The following SAMD12 variants were observed in gnomAD, a reference collection of about 807,000 sequenced individuals.
The protein encoded by SAMD12 is sterile alpha motif domain-containing protein 12.
A neutral mutation model predicts 15.0 loss-of-function variants in SAMD12; 9 were observed. The ratio of observed to expected loss-of-function variants is 0.60; its 90% CI spans 0.36 to 1.05. SAMD12 has a LOEUF of 1.05. Among genes scored for constraint, SAMD12 ranks in the 50% least tolerant of loss-of-function variants. The pLI is 0.01. For missense variants in SAMD12, 230 were observed against 234.2 expected, an observed-to-expected ratio of 0.98 and a Z score of 0.12; for synonymous variants, 86 against 90.1, an observed-to-expected ratio of 0.96 and a Z score of 0.25.
At chr8:118,139,633 C>T in the SAMD12 span, among the ~76,000 whole-genome samples, 3 of 152,194 alleles carry the variant, frequency 2.0e-5, no homozygotes, top group East Asian at 1.9e-4. Context: ...GTTGGGATTA[C>T]ATGTGTGAGC....
At chr8:118,192,716 T>C (rs1819443283) in exon 5 of SAMD12, 1 of 152,172 alleles carries the variant, frequency 6.6e-6, no homozygotes, top group South Asian at 2.1e-4. Flanking sequence ...AATATGAAAT[T>C]ATGAAAATAA....
chr8:118,406,153 C>T (rs985103996), intron 3 of SAMD12, among the ~76,000 whole-genome samples: 6 of 151,634 alleles, frequency 4.0e-5, no homozygotes, highest in African/African-American at 1.5e-4. Context: ...CCCTCCCTGA[C>T]ATGCCTGTCT....
downstream of SAMD12, among the ~76,000 whole-genome samples, chr8:118,376,985 C>T (rs73709942): frequency 0.049 from 7,460 of 152,016 alleles, 589 homozygotes; most frequent in African/African-American, 0.17. Context: ...ACAACTTCTA[C>T]TATTAATCAT....
chr8:118,418,807 C>G (rs1821851821), intron 3 of SAMD12, among the ~76,000 whole-genome samples: 1 of 151,906 alleles, frequency 6.6e-6, no homozygotes, highest in Non-Finnish European at 1.5e-5. Context: ...AATGTTTTTG[C>G]CACTATAGCA....
the SAMD12 span, among the ~76,000 whole-genome samples, chr8:118,147,912 C>CTGTG: frequency 7.0e-6 from 1 of 142,208 alleles, no homozygotes; most frequent in Non-Finnish European, 1.6e-5. Flanking sequence ...TTTTTTTTTT[C>CTGTG]TGTGTGTGTG....
intron 4 of SAMD12, among the ~76,000 whole-genome samples, chr8:118,260,799 C>T (rs2130062445): frequency 6.6e-6 from 1 of 152,242 alleles, no homozygotes; most frequent in Non-Finnish European, 1.5e-5. Context: ...TCGAAGGACA[C>T]ACCCCTTCCC....
intron 4 of SAMD12, among the ~76,000 whole-genome samples, chr8:118,318,970 C>A (rs1458698053): frequency 6.6e-6 from 1 of 152,026 alleles, no homozygotes; most frequent in Non-Finnish European, 1.5e-5. Context: ...GGGGCTACAG[C>A]AGCATTTCTT....
At chr8:118,591,655 G>A (rs1827588177) in intron 1 of SAMD12, among the ~76,000 whole-genome samples, 1 of 151,850 alleles carries the variant, frequency 6.6e-6, no homozygotes, top group South Asian at 2.1e-4. Flanking sequence ...ACAAACTAAA[G>A]TATAATTCAG....
chr8:118,268,333 C>T (rs1237097990), intron 4 of SAMD12, among the ~76,000 whole-genome samples: 1 of 152,158 alleles, frequency 6.6e-6, no homozygotes, highest in African/African-American at 2.4e-5. Flanking sequence ...CTCTTCAGCA[C>T]TGACTATTTA....
intron 1 of SAMD12, among the ~76,000 whole-genome samples, chr8:118,612,311 C>A (rs1349456038): frequency 6.6e-6 from 1 of 152,146 alleles, no homozygotes; most frequent in Non-Finnish European, 1.5e-5. Flanking sequence ...AATCACAAAA[C>A]AGAACATGAT....
chr8:118,297,832 A>AT (rs1428686608), intron 4 of SAMD12, among the ~76,000 whole-genome samples: 3 of 152,224 alleles, frequency 2.0e-5, no homozygotes, highest in African/African-American at 4.8e-5. Context: ...GAAAAAAATA[A>AT]TTTTTTAAAT....
intron 2 of SAMD12, among the ~76,000 whole-genome samples, chr8:118,556,100 G>C (rs1826521853): frequency 6.6e-6 from 1 of 152,176 alleles, no homozygotes; most frequent in Non-Finnish European, 1.5e-5. Context: ...CTGAACAAAG[G>C]TCTGGAATTT....
At chr8:118,213,179 C>T (rs1308115788) in intron 4 of SAMD12, among the ~76,000 whole-genome samples, 1 of 152,118 alleles carries the variant, frequency 6.6e-6, no homozygotes, top group Non-Finnish European at 1.5e-5. Context: ...TTTGTCATAG[C>T]CTTTCTCCCT....
At chr8:118,604,141 G>A (rs1328782843) in intron 1 of SAMD12, among the ~76,000 whole-genome samples, 1 of 151,986 alleles carries the variant, frequency 6.6e-6, no homozygotes, top group African/African-American at 2.4e-5. Flanking sequence ...CCACTAAATG[G>A]CACCAGGTAA....
chr8:118,146,878 G>T, the SAMD12 span, among the ~76,000 whole-genome samples: 9 of 152,302 alleles, frequency 5.9e-5, no homozygotes, highest in Admixed American at 5.9e-4. Flanking sequence ...CCTATTCTGA[G>T]AAAATAATCA....
rs1822285539 is a variant in SAMD12, at chr8:118,428,049, T to C, written c.322+11783A>G. 2.6e-5 allele frequency among the ~76,000 whole-genome samples: 4 copies of C among 152,264 alleles called. No homozygotes were observed. In the South Asian group the frequency reaches 8.3e-4, roughly 32 times the overall value. ...CTTAATATTTCTGAGCATACTCTCA[T>C]GTGCCTTTTGGCCATTCTTGTATTT... On this transcript the variant is annotated intron_variant, in intron 3 of 3. Transcript: ENST00000314727.
At chr8:118,600,599 CT>C (rs1827836084) in intron 1 of SAMD12, among the ~76,000 whole-genome samples, 1 of 152,174 alleles carries the variant, frequency 6.6e-6, no homozygotes, top group African/African-American at 2.4e-5. Flanking sequence ...CTCTTCCATG[CT>C]TCTAGATGAA....
chr8:118,621,651 C>T (rs1423624701), intron 1 of SAMD12, 153 bp downstream of exon 1: 11 of 803,034 alleles, frequency 1.4e-5, no homozygotes, highest in Admixed American at 1.1e-4. Context: ...GCCTTGGCGG[C>T]GCAGGTGAGT....
intron 2 of SAMD12, among the ~76,000 whole-genome samples, chr8:118,516,233 G>T (rs1825241024): frequency 2.6e-5 from 4 of 152,144 alleles, no homozygotes. Flanking sequence ...ATTAGTTATT[G>T]CCCTCTGCTT....
Sources: gnomAD v4.1 joint callset for allele counts (sites outside exome capture counted in the v4.1 genomes callset) on GRCh38, gnomAD v4.1.1 for gene constraint, MANE v1.5 for transcripts, NCBI Gene and HGNC (gene_info 2026-07-23, HGNC 2026-07-21) for gene names.